Variants in ASB3 observed in about 807,000 individuals in gnomAD.
The protein encoded by ASB3 is ankyrin repeat and SOCS box containing 3, also known as ankyrin repeat and SOCS box protein 3.
ASB3 carries 41 observed loss-of-function variants against 54.5 expected under a neutral mutation model. That is an observed-to-expected ratio of 0.75 (90% CI 0.59 to 0.98). The LOEUF (loss-of-function observed/expected upper bound fraction) is 0.98, where lower values mean the gene tolerates loss of function less well. ASB3 is among the 50% of genes least tolerant of loss of function. The probability of loss-of-function intolerance (pLI) is 0.00; values close to 1 mark genes in which losing one functional copy is unlikely to be tolerated. For synonymous variants in ASB3, 266 were observed against 221.2 expected, an observed-to-expected ratio of 1.20 and a Z score of -1.80; for missense variants, 733 against 620.0, an observed-to-expected ratio of 1.18 and a Z score of -1.94.
intron 7 of ASB3, among the ~76,000 whole-genome samples, chr2:53,703,013 A>G (rs1287990655): frequency 1.3e-5 from 2 of 152,242 alleles, no homozygotes; most frequent in East Asian, 1.9e-4. Flanking sequence ...AATGGACACA[A>G]TTAATTCTAT....
chr2:53,711,966 A>G (rs542409935), intron 7 of ASB3, among the ~76,000 whole-genome samples: 1 of 152,306 alleles, frequency 6.6e-6, no homozygotes, highest in African/African-American at 2.4e-5. Flanking sequence ...ACTCCACTGC[A>G]TGTTAAGAAC....
intron 1 of ASB3, chr2:53,774,093 A>C: frequency 6.6e-7 from 1 of 1,515,124 alleles, no homozygotes; most frequent in Non-Finnish European, 8.9e-7. Flanking sequence ...TTCTTCACCT[A>C]TTTTAATTAG....
chr2:53,714,726 A>C, intron 6 of ASB3, 145 bp from the exon 7 acceptor site: 1 of 745,308 alleles, frequency 1.3e-6, no homozygotes, highest in Non-Finnish European at 2.1e-6. Flanking sequence ...TCTACCAACA[A>C]CATTAAACTA....
chr2:53,727,388 C>T (rs748104036), intron 5 of ASB3, among the ~76,000 whole-genome samples: 2 of 152,078 alleles, frequency 1.3e-5, no homozygotes, highest in African/African-American at 2.4e-5. Context: ...GGCACAGCGA[C>T]TTACAGTGTA....
Position 53,714,546 on chromosome 2 carries a change from G to C in ASB3, c.818C>G (p.Ala273Gly). 6.2e-7 allele frequency: 1 copy of C among 1,614,100 alleles called. No homozygotes were observed. The highest frequency in any genetic ancestry group is 1.1e-5 in the South Asian group (1 of 91,078). ...TACTTTGTTTAGCCCAGTGTCACAG[G>C]CCCGGTTAGTAAGTGGTATTAACAA... Reference protein sequence around the residue: ...LDLLIPLTNRACDTGLNKVSP... With the variant: ...LDLLIPLTNRGCDTGLNKVSP... Residue 273 changes from alanine to glycine, a missense_variant, in exon 7 of 10, where the codon GCC becomes GGC. Physicochemically the swap from Ala to Gly is moderately conservative, Grantham distance 60. Transcript: ENST00000263634.
At chr2:53,749,456 C>G (rs1271960544) in intron 3 of ASB3, among the ~76,000 whole-genome samples, 1 of 151,840 alleles carries the variant, frequency 6.6e-6, no homozygotes, top group Non-Finnish European at 1.5e-5. Flanking sequence ...AAGTATTAAC[C>G]CAAGAGAAAT....
intron 9 of ASB3, among the ~76,000 whole-genome samples, chr2:53,683,962 T>C (rs1298317040): frequency 6.6e-6 from 1 of 152,224 alleles, no homozygotes; most frequent in Admixed American, 6.5e-5. Flanking sequence ...ATTTCTGCTC[T>C]GATCTTTATT....
chr2:53,731,279 G>A (rs1310726251), intron 3 of ASB3, among the ~76,000 whole-genome samples: 1 of 152,136 alleles, frequency 6.6e-6, no homozygotes, highest in Non-Finnish European at 1.5e-5. Flanking sequence ...GCACGCACCT[G>A]TAATCCTAGC....
chr2:53,719,214 C>G (rs551190376), intron 5 of ASB3, among the ~76,000 whole-genome samples: 3 of 152,134 alleles, frequency 2.0e-5, no homozygotes, highest in African/African-American at 7.2e-5. Context: ...TGAGCCACCA[C>G]GCCCAACCAG....
chr2:53,755,970 T>A (rs77828729), intron 2 of ASB3, among the ~76,000 whole-genome samples: 1 of 144,850 alleles, frequency 6.9e-6, no homozygotes, highest in Admixed American at 6.9e-5. Context: ...CTGGACAAAA[T>A]AGTAAGACCC....
chr2:53,751,689 T>TA (rs1217328249), intron 2 of ASB3, among the ~76,000 whole-genome samples: 2 of 152,084 alleles, frequency 1.3e-5, no homozygotes. Flanking sequence ...AAAAAAAACT[T>TA]AAACATTTTC....
chr2:53,760,023 G>C (rs571634508), intron 2 of ASB3, among the ~76,000 whole-genome samples: 1 of 152,264 alleles, frequency 6.6e-6, no homozygotes, highest in Admixed American at 6.5e-5. Context: ...TATCTGAGGG[G>C]ATCCTAGGAC....
chr2:53,749,318 A>T (rs1281451628), intron 3 of ASB3, among the ~76,000 whole-genome samples: 1 of 152,128 alleles, frequency 6.6e-6, no homozygotes, highest in Non-Finnish European at 1.5e-5. Flanking sequence ...GCAATAGCAA[A>T]TGTTGGCAAG....
chr2:53,706,447 C>CTT (rs869052245), intron 7 of ASB3, among the ~76,000 whole-genome samples: 1 of 145,552 alleles, frequency 6.9e-6, no homozygotes, highest in African/African-American at 2.5e-5. Context: ...AAGGCAGCTT[C>CTT]TTTTTTTTTT....
intron 1 of ASB3, 116 bp downstream of exon 1, chr2:53,786,705 C>T (rs187392747): frequency 2.3e-3 from 352 of 154,932 alleles, no homozygotes; most frequent in Non-Finnish European, 3.9e-3. Flanking sequence ...CGCACCCGCA[C>T]GGTTCACACT....
At chr2:53,734,696 C>A (rs922597150) in intron 3 of ASB3, among the ~76,000 whole-genome samples, 12 of 152,120 alleles carry the variant, frequency 7.9e-5, no homozygotes, top group Non-Finnish European at 1.3e-4. Flanking sequence ...CAGCCTTGAA[C>A]CTCCTATTCA....
intron 8 of ASB3, among the ~76,000 whole-genome samples, chr2:53,698,912 G>A (rs1039506016): frequency 3.3e-5 from 5 of 152,108 alleles, no homozygotes; most frequent in East Asian, 1.9e-4. Flanking sequence ...TACCTAGTTC[G>A]AAAGCTACTT....
Position 53,714,463 on chromosome 2 carries a change from G to T in ASB3, c.901C>A (p.Arg301=). The T allele has an allele frequency of 3.7e-6, 6 of 1,614,184 alleles. No homozygotes were observed. Among genetic ancestry groups the T allele is most frequent in the Non-Finnish European group, 5.1e-6 (6 of 1,180,022 alleles). The part of the protein sequence containing the change: ...GHEDCLEILL[R]NGYSPDAQAC... ...TGGGCGTCTGGGCTGTAGCCATTCC[G>T]GAGTAATATTTCTAGGCAATCTTCA... The change falls in exon 7 of 10, where the codon CGG becomes AGG. Residue 301 remains arginine, a synonymous_variant. Transcript: ENST00000263634.
intron 2 of ASB3, among the ~76,000 whole-genome samples, chr2:53,751,692 A>G (rs1279246744): frequency 6.6e-6 from 1 of 152,184 alleles, no homozygotes; most frequent in Non-Finnish European, 1.5e-5. Flanking sequence ...AAAAACTTAA[A>G]CATTTTCTTG....
Sources: allele counts gnomAD v4.1 joint callset (sites outside exome capture counted in the v4.1 genomes callset), GRCh38; gene constraint gnomAD v4.1.1; transcripts MANE v1.5; gene names NCBI Gene and HGNC (gene_info 2026-07-23, HGNC 2026-07-21).